BRINP3: variants seen among roughly 807,000 people sequenced by gnomAD.
BRINP3 encodes BMP/retinoic acid inducible neural specific 3, also known as BMP/retinoic acid-inducible neural-specific protein 3.
BRINP3 carries 19 observed loss-of-function variants against 71.0 expected under a neutral mutation model. The observed-to-expected ratio is 0.27, with a 90% confidence interval of 0.19 to 0.39. The LOEUF is 0.39. Among genes scored for constraint, BRINP3 ranks in the 10% least tolerant of loss-of-function variants. BRINP3 has a pLI of 1.00. For missense variants in BRINP3, 959 were observed against 940.8 expected (o/e 1.02, Z -0.25); for synonymous variants, 380 against 337.7 (o/e 1.13, Z -1.37).
intron 4 of BRINP3, among the ~76,000 whole-genome samples, chr1:190,259,496 G>A (rs928568004): frequency 1.3e-5 from 2 of 150,912 alleles, no homozygotes; most frequent in African/African-American, 2.4e-5. Flanking sequence ...ATGTATTAAA[G>A]AGCATGTATG....
chr1:190,175,919 G>T (rs1400168362), intron 6 of BRINP3, among the ~76,000 whole-genome samples: 1 of 152,086 alleles, frequency 6.6e-6, no homozygotes, highest in Non-Finnish European at 1.5e-5. Flanking sequence ...AATCATGGAG[G>T]CTCTATATTC....
At chr1:190,339,247 C>T (rs1372911407) in intron 2 of BRINP3, among the ~76,000 whole-genome samples, 1 of 151,874 alleles carries the variant, frequency 6.6e-6, no homozygotes, top group African/African-American at 2.4e-5. Context: ...GCAGTAGCTG[C>T]ACTGCAGATA....
intron 2 of BRINP3, among the ~76,000 whole-genome samples, chr1:190,300,909 G>A (rs1348189713): frequency 1.3e-5 from 2 of 151,974 alleles, no homozygotes; most frequent in African/African-American, 2.4e-5. Context: ...CACCAGCAAC[G>A]AAACAAAGCT....
chr1:190,351,777 T>G (rs551615028), intron 2 of BRINP3, among the ~76,000 whole-genome samples: 1 of 152,238 alleles, frequency 6.6e-6, no homozygotes, highest in Non-Finnish European at 1.5e-5. Flanking sequence ...AAATTAACAA[T>G]AATATGCTTT....
chr1:190,367,256 G>A (rs530995546), intron 2 of BRINP3, among the ~76,000 whole-genome samples: 1 of 152,244 alleles, frequency 6.6e-6, no homozygotes, highest in East Asian at 1.9e-4. Flanking sequence ...TACTTCTGTG[G>A]ACCCACAGGC....
chr1:190,126,215 AAG>A (rs923056698), intron 7 of BRINP3, among the ~76,000 whole-genome samples: 10 of 152,052 alleles, frequency 6.6e-5, no homozygotes, highest in Non-Finnish European at 1.2e-4. Flanking sequence ...CTTCCAACCT[AAG>A]AACAATTTAA....
chr1:190,328,493 A>G (rs1324314304), intron 2 of BRINP3, among the ~76,000 whole-genome samples: 1 of 152,056 alleles, frequency 6.6e-6, no homozygotes, highest in Non-Finnish European at 1.5e-5. Flanking sequence ...TCAGAAAAGA[A>G]TGGAAAAACT....
intron 2 of BRINP3, among the ~76,000 whole-genome samples, chr1:190,298,814 C>G (rs764597085): frequency 5.9e-5 from 9 of 152,062 alleles, no homozygotes; most frequent in Non-Finnish European, 1.3e-4. Context: ...TATATATTGA[C>G]TAGATCATGT....
chr1:190,289,434 C>G (rs1212936985), intron 2 of BRINP3, among the ~76,000 whole-genome samples: 2 of 151,816 alleles, frequency 1.3e-5, no homozygotes, highest in Non-Finnish European at 2.9e-5. Context: ...TTCATATATA[C>G]ATCAGATAGG....
chr1:190,142,591 T>C (rs1655547208), intron 7 of BRINP3, among the ~76,000 whole-genome samples: 1 of 152,066 alleles, frequency 6.6e-6, no homozygotes, highest in South Asian at 2.1e-4. Flanking sequence ...TTGAGTGGGG[T>C]TTTGTCTTCA....
chr1:190,354,431 A>G (rs1429057548), intron 2 of BRINP3, among the ~76,000 whole-genome samples: 10 of 152,096 alleles, frequency 6.6e-5, no homozygotes, highest in African/African-American at 2.4e-4. Context: ...GAATGGTATC[A>G]TCTATGCTGG....
chr1:190,162,846 T>G (rs1651134521), intron 6 of BRINP3, among the ~76,000 whole-genome samples: 1 of 152,152 alleles, frequency 6.6e-6, no homozygotes, highest in African/African-American at 2.4e-5. Context: ...AATATGACAC[T>G]TGAATAATTA....
At chr1:190,435,683 T>A (rs868277899) in intron 2 of BRINP3, among the ~76,000 whole-genome samples, 55 of 152,152 alleles carry the variant, frequency 3.6e-4, no homozygotes, top group African/African-American at 1.2e-3. Context: ...TGTTACTGTC[T>A]CTACTTTTCA....
chr1:190,470,390 T>C (rs1677055733), intron 1 of BRINP3, among the ~76,000 whole-genome samples: 1 of 151,114 alleles, frequency 6.6e-6, no homozygotes, highest in South Asian at 2.1e-4. Flanking sequence ...ATTTAATCAA[T>C]AAATGTGTAC....
intron 7 of BRINP3, among the ~76,000 whole-genome samples, chr1:190,102,622 A>C (rs1281825704): frequency 6.6e-6 from 1 of 152,068 alleles, no homozygotes; most frequent in African/African-American, 2.4e-5. Context: ...AGGAAGGGAG[A>C]AAGAAGACAG....
Position 190,281,555 on chromosome 1 carries a change from C to T in BRINP3, c.427+5G>A, listed in dbSNP as rs774244283. 8.7e-6 allele frequency: 14 copies of T among 1,610,956 alleles called. No individual in the cohort carries two copies. Among genetic ancestry groups the T allele is most frequent in the African/African-American group, 8.0e-5 (6 of 74,668 alleles). Reference sequence around the variant, plus strand: ...ACAGGCACAAATAGGTTCAAAGAGCCGTACCTCCCAGAGTAGCAGATAGCA... The same window carrying T: ...ACAGGCACAAATAGGTTCAAAGAGCTGTACCTCCCAGAGTAGCAGATAGCA... On this transcript the variant is annotated splice_donor_5th_base_variant and intron_variant, in intron 3 of 7. Coordinates refer to ENST00000367462, the MANE Select transcript of BRINP3 (RefSeq NM_199051.3).
chr1:190,444,822 A>C (rs1675101395), intron 2 of BRINP3, among the ~76,000 whole-genome samples: 1 of 152,174 alleles, frequency 6.6e-6, no homozygotes, highest in Non-Finnish European at 1.5e-5. Context: ...GGCGTGAGCC[A>C]CCGCGCCTGG....
intron 2 of BRINP3, among the ~76,000 whole-genome samples, chr1:190,308,332 G>T (rs1665263497): frequency 6.6e-6 from 1 of 151,818 alleles, no homozygotes; most frequent in Non-Finnish European, 1.5e-5. Flanking sequence ...AAAACTGAAA[G>T]TGTAAAAGAG....
chr1:190,160,186 T>C (rs1375053463), intron 7 of BRINP3, among the ~76,000 whole-genome samples: 1 of 152,050 alleles, frequency 6.6e-6, no homozygotes, highest in Non-Finnish European at 1.5e-5. Flanking sequence ...CCTATTAAAT[T>C]TTAGAAGCTT....
Sources: allele counts gnomAD v4.1 joint callset (sites outside exome capture counted in the v4.1 genomes callset), GRCh38; gene constraint gnomAD v4.1.1; transcripts MANE v1.5; gene names NCBI Gene and HGNC (gene_info 2026-07-23, HGNC 2026-07-21).